The following GRTP1 variants were observed in gnomAD, a reference collection of about 807,000 sequenced individuals.
The protein encoded by GRTP1 is growth hormone-regulated TBC protein 1.
Under a neutral mutation model 38.1 loss-of-function variants are expected in GRTP1, and 56 were observed. The observed-to-expected ratio is 1.47, with a 90% CI of 1.19 to 1.84. GRTP1 has a LOEUF of 1.84. Ranked by LOEUF, GRTP1 falls within the 40% of genes most tolerant of loss-of-function variation. GRTP1 has a pLI of 0.00. For missense variants in GRTP1, 506 were observed against 453.9 expected (o/e 1.11, Z -1.04); for synonymous variants, 217 against 189.5 (o/e 1.14, Z -1.19).
intron 2 of GRTP1, among the ~76,000 whole-genome samples, chr13:113,357,367 C>T (rs2139529364): frequency 6.8e-6 from 1 of 147,754 alleles, no homozygotes; most frequent in East Asian, 2.0e-4. Context: ...ATAGCCTGAA[C>T]CTGGCAGGCA....
At chr13:113,339,316 A>G (rs925242052) in intron 5 of GRTP1, 8 of 152,166 alleles carry the variant, frequency 5.3e-5, no homozygotes, top group Non-Finnish European at 1.5e-5. Context: ...TTATCTTTTT[A>G]CTTTGCTTAT....
At position 113,325,736 on chromosome 13, in the gene GRTP1, G is replaced by T. The variant is rs770695889; in HGVS notation, c.846C>A (p.Ser282Arg). Reference protein sequence around the residue: ...QHQELILEATSVPDICDKFKQ... With the variant: ...QHQELILEATRVPDICDKFKQ... ...TAAACTTATCGCAAATGTCTGGAAC[G>T]CTGGTGGCTTCCAAAATCAACTCCT... The change falls in exon 7 of 8, where the codon AGC (serine) becomes AGA (arginine). Residue 282 changes from serine to arginine, a missense_variant. Ser to Arg is a moderately radical substitution (Grantham distance 110). Coordinates refer to ENST00000375431, the MANE Select transcript of GRTP1 (RefSeq NM_024719.4). The T allele has an allele frequency of 1.2e-6, 2 of 1,614,182 alleles. No individual in the cohort carries two copies. The highest frequency in any genetic ancestry group is 2.2e-5 in the East Asian group (1 of 44,874).
chr13:113,346,081 GACCTGGGAAGACATCTGTGGCCGAGAA>G (rs1566429064), intron 4 of GRTP1, among the ~76,000 whole-genome samples: 6 of 6,142 alleles, frequency 9.8e-4, no homozygotes, highest in South Asian at 4.6e-3. Flanking sequence ...CGGCTGAGCA[GACCTGGGAAGACATCTGTGGCCGAGAA>G]CAGACCCGGG....
At chr13:113,324,734 T>G in intron 7 of GRTP1, 157 bp from the exon 8 acceptor site, 1 of 1,418,170 alleles carries the variant, frequency 7.1e-7, no homozygotes, top group Non-Finnish European at 9.2e-7. Context: ...TGTCACCATC[T>G]CACTCCTGCC....
At chr13:113,327,796 C>T (rs1209872080) in intron 5 of GRTP1, among the ~76,000 whole-genome samples, 1 of 152,216 alleles carries the variant, frequency 6.6e-6, no homozygotes, top group Non-Finnish European at 1.5e-5. Context: ...CAGTGCCCAC[C>T]CTGGTTCTGC....
intron 2 of GRTP1, among the ~76,000 whole-genome samples, chr13:113,361,190 G>C (rs1380083306): frequency 1.7e-5 from 2 of 116,602 alleles, no homozygotes; most frequent in Admixed American, 2.0e-4. Flanking sequence ...TTTTTAGAAA[G>C]AGTTGATAGA....
At chr13:113,338,295 G>T (rs77238759) in intron 5 of GRTP1, among the ~76,000 whole-genome samples, 2 of 152,332 alleles carry the variant, frequency 1.3e-5, no homozygotes, top group East Asian at 3.9e-4. Flanking sequence ...TCTGGGCTGA[G>T]AACTCGGGGT....
At position 113,347,451 on chromosome 13, in the gene GRTP1, C is replaced by T. The variant is rs1264702262; in HGVS notation, c.466-2492G>A. Among the ~76,000 whole-genome samples, 9 of 106,062 alleles carry T rather than the reference C, an allele frequency of 8.5e-5. 1 individual carries two copies. The highest frequency in any genetic ancestry group is 2.3e-4 in the African/African-American group (5 of 21,700). The allele number at this position is 106,062 out of a possible 152,430, so 69.6% of individuals were successfully genotyped here. A position where few individuals can be genotyped will look rare whatever the true frequency, so the allele number is the denominator to read the frequency against. ...GAGGACCTCTGTGGCTGAGAGCAGA[C>T]CCAGGAGGATCTCTGTGGCCGAGAG... On this transcript the variant is annotated intron_variant, in intron 4 of 7. Transcript: ENST00000375431.
chr13:113,334,469 G>A (rs1246172644), intron 5 of GRTP1, among the ~76,000 whole-genome samples: 1 of 152,182 alleles, frequency 6.6e-6, no homozygotes, highest in East Asian at 1.9e-4. Context: ...TCAGTCGTGC[G>A]CGGAAACAGT....
Position 113,343,456 on chromosome 13 carries a change from C to T in GRTP1, c.562+1407G>A, listed in dbSNP as rs766528259. On this transcript the variant is annotated intron_variant, in intron 5 of 7. Transcript: ENST00000375431. The surrounding 1 kb of genome is among the most constrained non-coding windows in gnomAD (Gnocchi z 4.8). ...CTGGTCTCTGGCATCCTCATTTCTGCGCCCTTGGGTTGAGGGTGGCGCTGA... is the reference window on the plus strand; with the variant it reads ...CTGGTCTCTGGCATCCTCATTTCTGTGCCCTTGGGTTGAGGGTGGCGCTGA... 1.2e-4 allele frequency among the ~76,000 whole-genome samples: 19 copies of T among 152,170 alleles called. No individual in the cohort carries two copies. The highest frequency in any genetic ancestry group is 1.9e-4 in the East Asian group (1 of 5,186).
At chr13:113,345,926 A>G (rs1224678513) in intron 4 of GRTP1, among the ~76,000 whole-genome samples, 1 of 151,222 alleles carries the variant, frequency 6.6e-6, no homozygotes, top group Non-Finnish European at 1.5e-5. Context: ...CTTCGAGCTG[A>G]TGACGGAAAT....
chr13:113,355,625 AACTGGTACATAT>A, intron 2 of GRTP1, 144 bp from the exon 3 acceptor site: 1 of 949,062 alleles, frequency 1.1e-6, no homozygotes, highest in Non-Finnish European at 1.5e-6. Flanking sequence ...TCTCCACCAA[AACTGGTACATAT>A]ACTCCTTTAA....
chr13:113,346,152 ACC>A (rs1363875528), intron 4 of GRTP1, among the ~76,000 whole-genome samples: 14 of 144,606 alleles, frequency 9.7e-5, no homozygotes, highest in African/African-American at 3.1e-4. Context: ...ACCCGGGAGG[ACC>A]TCTGTGCCTG....
chr13:113,326,674 AAAAC>A (rs141943988), intron 5 of GRTP1, among the ~76,000 whole-genome samples: 10,954 of 151,958 alleles, frequency 0.072, 1,207 homozygotes, highest in African/African-American at 0.24. Flanking sequence ...CTGTCTCAAA[AAAAC>A]AAACAAACAA....
chr13:113,362,724 G>A lies in GRTP1; in HGVS notation c.181+1038C>T, dbSNP rs1026635089. On this transcript the variant is annotated intron_variant, in intron 2 of 7. Transcript: ENST00000375431. Reference sequence around the variant, plus strand: ...CTGGCCGTGGTCACCACACACCTCCGACCCTCCGCCCAGGTGCAGGGCCCC... The same window carrying A: ...CTGGCCGTGGTCACCACACACCTCCAACCCTCCGCCCAGGTGCAGGGCCCC... Among the ~76,000 whole-genome samples, 3 of 152,072 alleles carry A rather than the reference G, an allele frequency of 2.0e-5. No homozygotes were observed. The East Asian group carries it at 5.8e-4, about 29-fold the overall frequency.
At chr13:113,338,631 A>G (rs1375509968) in intron 5 of GRTP1, among the ~76,000 whole-genome samples, 1 of 152,066 alleles carries the variant, frequency 6.6e-6, no homozygotes, top group Non-Finnish European at 1.5e-5. Context: ...AAAAGACGAC[A>G]ATGTGCATGA....
At chr13:113,340,433 C>G (rs924049539) in intron 5 of GRTP1, among the ~76,000 whole-genome samples, 1 of 151,772 alleles carries the variant, frequency 6.6e-6, no homozygotes, top group Non-Finnish European at 1.5e-5. Context: ...GAGCCATGAT[C>G]ACACCACTGC....
chr13:113,345,948 C>T (rs140695380), intron 4 of GRTP1, among the ~76,000 whole-genome samples: 24 of 152,322 alleles, frequency 1.6e-4, no homozygotes, highest in Non-Finnish European at 3.4e-4. Flanking sequence ...CTGGGAAGAC[C>T]TCTGTGGCCA....
intron 2 of GRTP1, 56 bp downstream of exon 2, chr13:113,363,706 C>T: frequency 7.2e-7 from 1 of 1,394,060 alleles, no homozygotes; most frequent in South Asian, 1.2e-5. Context: ...TTGCCCGGCC[C>T]GTCCCAGCCC....
Sources: allele counts gnomAD v4.1 joint callset (sites outside exome capture counted in the v4.1 genomes callset), GRCh38; gene constraint gnomAD v4.1.1; non-coding constraint Gnocchi (gnomAD v3.1); transcripts MANE v1.5; gene names NCBI Gene and HGNC (gene_info 2026-07-23, HGNC 2026-07-21).